Variants in MAML3 observed in about 807,000 individuals in gnomAD.
MAML3 encodes mastermind-like protein 3.
MAML3 carries 27 observed loss-of-function variants against 101.9 expected under a neutral mutation model. That is an observed-to-expected ratio of 0.27 (90% CI 0.20 to 0.37). MAML3 has a LOEUF of 0.37. Among genes scored for constraint, MAML3 ranks in the 10% least tolerant of loss-of-function variants. The probability of loss-of-function intolerance (pLI) is 1.00; values close to 1 mark genes in which losing one functional copy is unlikely to be tolerated. For synonymous variants in MAML3, 501 were observed against 555.9 expected (o/e 0.90, Z 1.39); for missense variants, 1,316 against 1,444.9 (o/e 0.91, Z 1.45).
At chr4:139,933,503 A>T (rs1560841031) in intron 1 of MAML3, among the ~76,000 whole-genome samples, 1 of 152,184 alleles carries the variant, frequency 6.6e-6, no homozygotes, top group African/African-American at 2.4e-5. Flanking sequence ...CCTCCTTCTC[A>T]TGCACGTGAA....
intron 1 of MAML3, among the ~76,000 whole-genome samples, chr4:139,974,636 C>T (rs968079867): frequency 3.9e-5 from 6 of 151,992 alleles, no homozygotes; most frequent in Non-Finnish European, 7.4e-5. Context: ...AGATGATTCC[C>T]GAGACTCTTC....
intron 1 of MAML3, among the ~76,000 whole-genome samples, chr4:139,938,230 G>A (rs1479698860): frequency 4.6e-5 from 7 of 152,170 alleles, no homozygotes; most frequent in Admixed American, 2.6e-4. Context: ...CAATACTAAG[G>A]ACTGGGAGAA....
intron 1 of MAML3, among the ~76,000 whole-genome samples, chr4:140,048,116 A>G (rs1727210778): frequency 6.6e-6 from 1 of 152,178 alleles, no homozygotes; most frequent in African/African-American, 2.4e-5. Flanking sequence ...GTGGAGTGGG[A>G]GACTAATGAT....
intron 2 of MAML3, among the ~76,000 whole-genome samples, chr4:139,741,229 T>C (rs73854339): frequency 6.6e-6 from 1 of 151,924 alleles, no homozygotes; most frequent in Non-Finnish European, 1.5e-5. Flanking sequence ...ATGTAAAGAT[T>C]GTGGCTGACG....
intron 1 of MAML3, among the ~76,000 whole-genome samples, chr4:140,059,561 T>C (rs1396763859): frequency 2.0e-5 from 3 of 152,200 alleles, no homozygotes; most frequent in Non-Finnish European, 4.4e-5. Flanking sequence ...AAAATACTTA[T>C]TATTTTAAAA....
chr4:139,939,968 G>C (rs533961845), intron 1 of MAML3, among the ~76,000 whole-genome samples: 1 of 152,200 alleles, frequency 6.6e-6, no homozygotes, highest in East Asian at 1.9e-4. Flanking sequence ...GTTTCACCAT[G>C]TTGGCCAGGC....
chr4:140,103,448 G>C (rs1476035384), intron 1 of MAML3, among the ~76,000 whole-genome samples: 1 of 152,126 alleles, frequency 6.6e-6, no homozygotes, highest in African/African-American at 2.4e-5. Context: ...ATTTAAATGG[G>C]TATTTGTGTT....
chr4:139,800,868 ATTGT>A (rs1425774688), intron 2 of MAML3, among the ~76,000 whole-genome samples: 14 of 152,240 alleles, frequency 9.2e-5, no homozygotes, highest in African/African-American at 3.4e-4. Context: ...AGGCTGGCAA[ATTGT>A]TTGAGCTATC....
chr4:140,106,586 A>G (rs771417354), intron 1 of MAML3, among the ~76,000 whole-genome samples: 2 of 152,214 alleles, frequency 1.3e-5, no homozygotes, highest in Non-Finnish European at 2.9e-5. Flanking sequence ...ATACCTCTAA[A>G]GTACTAGGAT....
Position 139,748,602 on chromosome 4 carries a change from C to T in MAML3, c.2080-17935G>A, listed in dbSNP as rs1053179760. Among the ~76,000 whole-genome samples, 6 of 152,152 alleles carry T rather than the reference C, an allele frequency of 3.9e-5. No homozygotes were observed. In the South Asian group the frequency reaches 6.2e-4, roughly 16 times the overall value. ...CAGACCCTGGCTGGGAGGACACTTC[C>T]GGCTCAGTCCCCCAAATCAGGATGA... On this transcript the variant is annotated intron_variant, in intron 2 of 4. Coordinates refer to ENST00000509479, the MANE Select transcript of MAML3 (RefSeq NM_018717.5).
intron 1 of MAML3, among the ~76,000 whole-genome samples, chr4:139,978,930 GACTACTTTCAAAGAGCTCTA>G (rs1734396113): frequency 3.2e-5 from 1 of 30,798 alleles, no homozygotes; most frequent in African/African-American, 6.8e-5. Context: ...AGAGCTCTAT[GACTACTTTCAAAGAGCTCTA>G]TGACTACTTT....
At chr4:140,121,876 G>C (rs1431034633) in intron 1 of MAML3, among the ~76,000 whole-genome samples, 1 of 152,116 alleles carries the variant, frequency 6.6e-6, no homozygotes, top group Non-Finnish European at 1.5e-5. Flanking sequence ...GACCCAGTGG[G>C]GGGTAACTGA....
intron 2 of MAML3, among the ~76,000 whole-genome samples, chr4:139,745,506 A>C (rs566763164): frequency 2.0e-5 from 3 of 152,226 alleles, no homozygotes; most frequent in African/African-American, 7.2e-5. Context: ...GAACTGAAAA[A>C]AGCCAAATGC....
intron 1 of MAML3, among the ~76,000 whole-genome samples, chr4:140,044,889 CTACTTGAAATTA>C (rs1158853456): frequency 6.6e-6 from 1 of 152,082 alleles, no homozygotes; most frequent in African/African-American, 2.4e-5. Flanking sequence ...ACCATGTAAG[CTACTTGAAATTA>C]ACACACTTCA....
intron 1 of MAML3, among the ~76,000 whole-genome samples, chr4:140,047,848 G>A (rs527726314): frequency 8.6e-5 from 13 of 152,010 alleles, no homozygotes; most frequent in Admixed American, 5.9e-4. Context: ...AAGACTGTCT[G>A]TGAATTTTAG....
Position 139,819,920 on chromosome 4 carries a change from C to T in MAML3, c.2079+69437G>A, listed in dbSNP as rs146508983. Among the ~76,000 whole-genome samples the T allele has an allele frequency of 8.5e-4, 129 of 152,226 alleles. 2 individuals carry two copies. The highest frequency in any genetic ancestry group is 3.4e-3 in the Middle Eastern group (1 of 294). On this transcript the variant is annotated intron_variant, in intron 2 of 4. Transcript: ENST00000509479. ...ACTAATTTTCTTCCGCTCTGATTCC[C>T]GTAGTATTAAGATAGTATTTTGATG... is the stretch of plus-strand genomic sequence containing the variant.
At chr4:139,982,835 A>T (rs1734470120) in intron 1 of MAML3, among the ~76,000 whole-genome samples, 1 of 152,130 alleles carries the variant, frequency 6.6e-6, no homozygotes, top group Admixed American at 6.5e-5. Context: ...GCCTCCCACC[A>T]TCTACTTATT....
intron 1 of MAML3, among the ~76,000 whole-genome samples, chr4:140,011,340 T>TTTC (rs1324415391): frequency 1.0e-5 from 1 of 95,718 alleles, no homozygotes; most frequent in Non-Finnish European, 2.8e-5. Context: ...TTTTCTTGTT[T>TTTC]TGTTTTTTTT....
intron 1 of MAML3, among the ~76,000 whole-genome samples, chr4:140,047,620 G>A (rs1279666577): frequency 6.6e-6 from 1 of 152,108 alleles, no homozygotes; most frequent in African/African-American, 2.4e-5. Flanking sequence ...CCGGCCAACT[G>A]CAGGACAAGC....
Sources: allele counts gnomAD v4.1 joint callset (sites outside exome capture counted in the v4.1 genomes callset), GRCh38; gene constraint gnomAD v4.1.1; transcripts MANE v1.5; gene names NCBI Gene and HGNC (gene_info 2026-07-23, HGNC 2026-07-21).